The following RRM1 variants were observed in gnomAD, a reference collection of about 807,000 sequenced individuals.
RRM1 encodes ribonucleoside-diphosphate reductase large subunit.
A neutral mutation model predicts 101.5 loss-of-function variants in RRM1; 19 were observed. The observed-to-expected ratio is 0.19, with a 90% CI of 0.13 to 0.27. The LOEUF is 0.27. Ranked by LOEUF, RRM1 falls within the 10% of genes least tolerant of loss-of-function variation. The probability of loss-of-function intolerance (pLI) is 1.00; values close to 1 mark genes in which losing one functional copy is unlikely to be tolerated. For missense variants in RRM1, 500 were observed against 962.9 expected, an observed-to-expected ratio of 0.52 and a Z score of 6.36; for synonymous variants, 298 against 323.4, an observed-to-expected ratio of 0.92 and a Z score of 0.84.
intron 14 of RRM1, among the ~76,000 whole-genome samples, chr11:4,128,783 A>G (rs2094594095): frequency 6.6e-6 from 1 of 152,232 alleles, no homozygotes; most frequent in African/African-American, 2.4e-5. Flanking sequence ...TAACATTTTT[A>G]GTGTTAAAAA....
At chr11:4,102,334 T>C (rs2094552692) in intron 2 of RRM1, among the ~76,000 whole-genome samples, 1 of 152,238 alleles carries the variant, frequency 6.6e-6, no homozygotes, top group African/African-American at 2.4e-5. Flanking sequence ...ATATCAGATA[T>C]TTCCTTGAGT....
In RRM1 at chr11:4,133,603, G is replaced by A; in HGVS notation, c.1946G>A (p.Gly649Asp). The A allele has an allele frequency of 1.2e-6, 2 of 1,612,282 alleles. No individual in the cohort carries two copies. Among genetic ancestry groups the A allele is most frequent in the Non-Finnish European group, 1.7e-6 (2 of 1,179,012 alleles). ...PHLLKDLTER[G>D]LWHEEMKNQI... ...TTATTGAAAGATCTTACCGAGCGGG[G>A]CCTATGGCATGAAGAGATGAAAAAC... The change falls in exon 17 of 19, where the codon GGC becomes GAC. Residue 649 changes from glycine to aspartate, a missense_variant. This residue lies in a region of RRM1 where 79 missense variants were observed against 176.4 expected (regional missense o/e 0.45). Coordinates refer to ENST00000300738, the MANE Select transcript of RRM1 (RefSeq NM_001033.5).
chr11:4,138,539 GA>G lies in RRM1; in HGVS notation c.*157del. ...TTAAAGTACTGTTAATGATGATAAT[GA>G]TTTTTTTTTTAAACTCATATATTGG... On this transcript the variant is annotated 3_prime_UTR_variant, in exon 19 of 19. Transcript: ENST00000300738. 1 of 312,570 alleles carries G rather than the reference GA, an allele frequency of 3.2e-6. No homozygotes were observed. Among genetic ancestry groups the G allele is most frequent in the Non-Finnish European group, 5.1e-6 (1 of 197,002 alleles). 19.4% of individuals were successfully genotyped at this position (312,570 alleles called of 1,614,324 possible).
intron 5 of RRM1, among the ~76,000 whole-genome samples, chr11:4,110,027 T>G (rs1299950523): frequency 6.6e-6 from 1 of 152,266 alleles, no homozygotes; most frequent in African/African-American, 2.4e-5. Context: ...AGAACATGAA[T>G]GTCAGTGTCC....
chr11:4,107,827 G>A (rs529693514), intron 4 of RRM1, among the ~76,000 whole-genome samples: 20 of 152,088 alleles, frequency 1.3e-4, no homozygotes, highest in Non-Finnish European at 2.1e-4. Context: ...TCACTTGTAA[G>A]TATATCTTGT....
rs886290258 is a variant in RRM1 at position 4,138,184 on chromosome 11, T to C, written c.2191-11T>C. On this transcript the variant is annotated splice_polypyrimidine_tract_variant and intron_variant, in intron 18 of 18. Transcript: ENST00000300738. ...AGTTTCTCCTAATAATTGTCTTTAC[T>C]TTCCTTGTAGGGTTTGAAGACTGGG... 6 of 1,477,420 alleles carry C rather than the reference T, an allele frequency of 4.1e-6. No individual in the cohort carries two copies. Among genetic ancestry groups the C allele is most frequent in the South Asian group, 1.2e-5 (1 of 80,594 alleles). 91.5% of individuals were successfully genotyped at this position (1,477,420 alleles called of 1,614,324 possible).
At chr11:4,135,431 G>A (rs10767844) in intron 18 of RRM1, among the ~76,000 whole-genome samples, 161 bp downstream of exon 18, 133,940 of 152,234 alleles carry the variant, frequency 0.88, 59,227 homozygotes, top group South Asian at 0.93. Context: ...TACCAGAACA[G>A]GGTCTTGCCT....
At chr11:4,129,826 TAAC>T (rs1158174669) in intron 15 of RRM1, among the ~76,000 whole-genome samples, 1 of 151,772 alleles carries the variant, frequency 6.6e-6, no homozygotes, top group East Asian at 1.9e-4. Context: ...TTAAAAAAAA[TAAC>T]CGTTTGCCTT....
chr11:4,105,586 T>C, intron 2 of RRM1: 1 of 383,318 alleles, frequency 2.6e-6, no homozygotes, highest in Non-Finnish European at 5.0e-6. Context: ...TCCTTTTTTT[T>C]TTTTTTTTTT....
chr11:4,102,351 T>A (rs1046002530), intron 2 of RRM1, among the ~76,000 whole-genome samples: 1 of 152,180 alleles, frequency 6.6e-6, no homozygotes, highest in Non-Finnish European at 1.5e-5. Flanking sequence ...GAGTAAATTG[T>A]TTTATTCATT....
At position 4,133,956 on chromosome 11, in the gene RRM1, T is replaced by A. The variant is rs527661319; in HGVS notation, c.2001+298T>A. The stretch of plus-strand genomic sequence containing the variant: ...GGTTGCATTCCTTACCAATTAAATG[T>A]CTAGGAACAGGAACCAGACATCAAT... On this transcript the variant is annotated intron_variant, in intron 17 of 18. Transcript: ENST00000300738. Among the ~76,000 whole-genome samples the A allele has an allele frequency of 9.6e-4, 146 of 151,544 alleles. 1 individual carries two copies. Among genetic ancestry groups the A allele is most frequent in the African/African-American group, 3.3e-3 (137 of 41,232 alleles).
chr11:4,102,217 T>G, intron 2 of RRM1, 136 bp downstream of exon 2: 11 of 596,544 alleles, frequency 1.8e-5, no homozygotes, highest in Non-Finnish European at 2.6e-5. Flanking sequence ...TTTGAATTCA[T>G]TGCTTAAAAC....
chr11:4,123,883 T>C (rs1348703476), intron 12 of RRM1, among the ~76,000 whole-genome samples: 1 of 152,134 alleles, frequency 6.6e-6, no homozygotes, highest in African/African-American at 2.4e-5. Flanking sequence ...TTTCAGTGAA[T>C]GGTGAGATCA....
chr11:4,122,316 T>C, intron 11 of RRM1, 96 bp downstream of exon 11: 3 of 900,088 alleles, frequency 3.3e-6, no homozygotes, highest in Non-Finnish European at 5.0e-6. Flanking sequence ...AAGAATCTTT[T>C]GAAGCATCTA....
chr11:4,135,119 A>C lies in RRM1; in HGVS notation c.2039A>C (p.Tyr680Ser). The C allele has an allele frequency of 6.2e-7, 1 of 1,613,170 alleles. No homozygotes were observed. The highest frequency in any genetic ancestry group is 8.5e-7 in the Non-Finnish European group (1 of 1,179,548). The part of the protein sequence containing the change: ...PEIPDDLKQL[Y>S]KTVWEISQKT... ...ATTCCTGATGACCTGAAGCAACTTT[A>C]TAAAACTGTGTGGGAAATCTCTCAG... The change falls in exon 18 of 19, where the codon TAT becomes TCT. Residue 680 changes from tyrosine to serine, a missense_variant. Around this residue, in one of 9 missense-constraint regions of RRM1, gnomAD observed 79 missense variants for 176.4 expected, o/e 0.45. Transcript: ENST00000300738.
In RRM1 at chr11:4,105,920, C is replaced by T. The variant is rs569541953; in HGVS notation, c.109-126C>T. ...GCTTAAGTGATCTCCTCACCTCAGCCACTGAGTAGCTGGGACTATAGGCAT... is the reference window on the plus strand; with the variant it reads ...GCTTAAGTGATCTCCTCACCTCAGCTACTGAGTAGCTGGGACTATAGGCAT... On this transcript the variant is annotated intron_variant, in intron 2 of 18. Transcript: ENST00000300738. 228 of 717,548 alleles carry T rather than the reference C, an allele frequency of 3.2e-4. 1 individual carries two copies. Among genetic ancestry groups the T allele is most frequent in the Admixed American group, 1.7e-3 (60 of 36,230 alleles). The allele number at this position is 717,548 out of a possible 1,614,324, so 44.4% of individuals were successfully genotyped here. A position where few individuals can be genotyped will look rare whatever the true frequency, so the allele number is the denominator to read the frequency against.
intron 1 of RRM1, 178 bp from the exon 2 acceptor site, chr11:4,101,815 G>T: frequency 1.7e-6 from 1 of 578,706 alleles, no homozygotes; most frequent in East Asian, 2.9e-5. Context: ...ACTCTTTGAA[G>T]GTGACATCAG....
At chr11:4,121,820 T>G in intron 10 of RRM1, 55 bp downstream of exon 10, 1 of 1,497,384 alleles carries the variant, frequency 6.7e-7, no homozygotes. Flanking sequence ...AGCTTTCTCT[T>G]TTTTAGTCAT....
At chr11:4,124,160 G>A (rs551371316) in intron 12 of RRM1, among the ~76,000 whole-genome samples, 2 of 152,162 alleles carry the variant, frequency 1.3e-5, no homozygotes, top group Non-Finnish European at 2.9e-5. Flanking sequence ...GACACGTCAC[G>A]GATAGGTAGC....
Sources: allele counts gnomAD v4.1 joint callset (sites outside exome capture counted in the v4.1 genomes callset), GRCh38; gene constraint gnomAD v4.1.1; regional missense constraint gnomAD v4.1.1; transcripts MANE v1.5; gene names NCBI Gene and HGNC (gene_info 2026-07-23, HGNC 2026-07-21).